ZSCAN32: variants seen among roughly 807,000 people sequenced by gnomAD.
ZSCAN32 encodes the protein zinc finger and SCAN domain-containing protein 32.
ZSCAN32 carries 52 observed loss-of-function variants against 47.4 expected under a neutral mutation model. The ratio of observed to expected loss-of-function variants is 1.10; its 90% CI spans 0.88 to 1.38. ZSCAN32 has a LOEUF of 1.38. Ranked by LOEUF, ZSCAN32 falls within the 40% of genes most tolerant of loss-of-function variation. The pLI is 0.00. For missense variants in ZSCAN32, 959 were observed against 846.0 expected (o/e 1.13, Z -1.66); for synonymous variants, 346 against 305.7 (o/e 1.13, Z -1.38).
intron 6 of ZSCAN32, chr16:3,384,021 A>T (rs1206811885): frequency 7.0e-6 from 3 of 430,834 alleles, no homozygotes; most frequent in Non-Finnish European, 1.2e-5. Context: ...TGTACCCTCA[A>T]TTCTTGAATG....
intron 5 of ZSCAN32, among the ~76,000 whole-genome samples, chr16:3,387,731 C>T (rs1458309520): frequency 6.6e-6 from 1 of 152,252 alleles, no homozygotes; most frequent in Non-Finnish European, 1.5e-5. Context: ...TTCAACCCAA[C>T]AGCCAGAGGG....
In ZSCAN32 at chr16:3,383,510, T is replaced by A; in HGVS notation, c.1436A>T (p.Gln479Leu). ...AAAACTCTGGTGACTCATCTTCTCC[T>A]GGGATGGGGTTTTCTCCTCACTCTC... The part of the protein sequence containing the change: ...PGESEEKTPS[Q>L]EKMSHQSFCA... Residue 479 changes from glutamine (Q) to leucine (L), a missense_variant, in exon 7 of 7, where the codon CAG (glutamine) becomes CTG (leucine). Physicochemically the swap from Gln to Leu is moderately radical, Grantham distance 113. Transcript: ENST00000396852. 6.2e-7 allele frequency: 1 copy of A among 1,614,132 alleles called. No homozygotes were observed. Among genetic ancestry groups the A allele is most frequent in the Middle Eastern group, 1.6e-4 (1 of 6,062 alleles).
intron 3 of ZSCAN32, among the ~76,000 whole-genome samples, chr16:3,393,196 A>T (rs1483627056): frequency 4.2e-5 from 1 of 23,532 alleles, no homozygotes; most frequent in Non-Finnish European, 7.0e-5. Context: ...ATATTTATAT[A>T]TATATTTATA....
In ZSCAN32 at chr16:3,383,585, C is replaced by A. The variant is rs573126996; in HGVS notation, c.1361G>T (p.Gly454Val). The A allele has an allele frequency of 2.5e-6, 4 of 1,613,880 alleles. No individual in the cohort carries two copies. Among genetic ancestry groups the A allele is most frequent in the African/African-American group, 1.3e-5 (1 of 74,886 alleles). ...GVYWHSELQK[G>V]LESEPTSRRQ... ...TCTTGATGTTGGCTCACTCTCCAAG[C>A]CTTTTTGTAGCTCAGAGTGCCAATA... is the stretch of plus-strand genomic sequence containing the variant. Residue 454 changes from glycine to valine, a missense_variant, in exon 7 of 7, where the codon GGC (glycine) becomes GTC (valine). By Grantham distance (109) the Gly-to-Val change is moderately radical (BLOSUM62 -3). Coordinates refer to ENST00000396852, the MANE Select transcript of ZSCAN32 (RefSeq NM_001284527.2).
intron 2 of ZSCAN32, among the ~76,000 whole-genome samples, chr16:3,394,115 C>T (rs2033137902): frequency 6.6e-6 from 1 of 151,990 alleles, no homozygotes. Context: ...AAAATACAAA[C>T]ATTAGCTGGG....
In ZSCAN32 at chr16:3,383,613, C is replaced by T. The variant is rs769475949; in HGVS notation, c.1333G>A (p.Val445Ile). 1.9e-5 allele frequency: 30 copies of T among 1,613,564 alleles called. No homozygotes were observed. The highest frequency in any genetic ancestry group is 2.1e-5 in the Non-Finnish European group (25 of 1,180,028). The change falls in exon 7 of 7, where the codon GTT becomes ATT. Residue 445 changes from valine to isoleucine, a missense_variant. Coordinates refer to ENST00000396852, the MANE Select transcript of ZSCAN32 (RefSeq NM_001284527.2). ...NKALQRKSRGVYWHSELQKGL... is the reference protein window; with the variant it reads ...NKALQRKSRGIYWHSELQKGL... Reference sequence around the variant, plus strand: ...TTTTGTAGCTCAGAGTGCCAATAAACTCCTCTGGACTTTCTCTGTAAAGCC... The same window carrying T: ...TTTTGTAGCTCAGAGTGCCAATAAATTCCTCTGGACTTTCTCTGTAAAGCC...
At chr16:3,397,823 T>A in intron 1 of ZSCAN32, 79 bp from the exon 2 acceptor site, 2 of 296,836 alleles carry the variant, frequency 6.7e-6, no homozygotes, top group Non-Finnish European at 1.2e-5. Flanking sequence ...TTCCTATCCC[T>A]TTCCTTTACT....
chr16:3,399,378 T>C (rs891846064), intron 1 of ZSCAN32, among the ~76,000 whole-genome samples: 3 of 151,886 alleles, frequency 2.0e-5, no homozygotes, highest in Admixed American at 6.6e-5. Context: ...TTTCTAGGAA[T>C]TGGTAAATTG....
chr16:3,383,342 T>C lies in ZSCAN32; in HGVS notation c.1604A>G (p.Tyr535Cys). 1 of 1,614,234 alleles carries C rather than the reference T, an allele frequency of 6.2e-7. No individual in the cohort carries two copies. Residue 535 changes from tyrosine (Y) to cysteine (C), a missense_variant, in exon 7 of 7, where the codon TAT becomes TGT. By Grantham distance (194) the Tyr-to-Cys change is radical. Coordinates refer to ENST00000396852, the MANE Select transcript of ZSCAN32 (RefSeq NM_001284527.2). ...ECGKTFSRSS[Y>C]LVRHQRIHTG... ...GTGGATTCTTTGATGCCGAACAAGA[T>C]AAGAACTTCGGCTAAAGGTTTTCCC...
Position 3,383,669 on chromosome 16 carries a change from C to T in ZSCAN32, c.1277G>A (p.Trp426Ter). ...KNEIKKENLK[W>*]DDSEEVEINK... is the part of the protein sequence containing the mutation. ...TATTTCTACTTCCTCTGAATCATCC[C>T]ATTTTAGATTTTCTTTTTTAATCTC... Residue 426 changes from tryptophan (W) to a stop codon, truncating the protein, a stop_gained, in exon 7 of 7, where the codon TGG becomes TAG. Transcript: ENST00000396852. LOFTEE classifies it low-confidence loss of function (END_TRUNC). 6.3e-7 allele frequency: 1 copy of T among 1,593,868 alleles called. No individual in the cohort carries two copies. Among genetic ancestry groups the T allele is most frequent in the Non-Finnish European group, 8.5e-7 (1 of 1,174,882 alleles).
intron 5 of ZSCAN32, among the ~76,000 whole-genome samples, chr16:3,388,769 A>G (rs952421049): frequency 6.6e-6 from 1 of 152,228 alleles, no homozygotes; most frequent in East Asian, 1.9e-4. Context: ...AATTACAGGT[A>G]CCATTACATG....
At chr16:3,396,654 A>T (rs2150906547) in intron 2 of ZSCAN32, among the ~76,000 whole-genome samples, 1 of 152,310 alleles carries the variant, frequency 6.6e-6, no homozygotes, top group Middle Eastern at 3.4e-3. Context: ...TCCCTGCTCC[A>T]AGAAAATATA....
At chr16:3,391,253 G>T (rs2032658356) in intron 3 of ZSCAN32, among the ~76,000 whole-genome samples, 1 of 152,114 alleles carries the variant, frequency 6.6e-6, no homozygotes, top group African/African-American at 2.4e-5. Flanking sequence ...TTTACTTACA[G>T]CCCCCTGCTG....
chr16:3,390,544 A>T (rs1435336695), intron 3 of ZSCAN32, 27 bp from the exon 4 acceptor site: 1 of 1,535,998 alleles, frequency 6.5e-7, no homozygotes, highest in African/African-American at 1.4e-5. Context: ...CCGCTATTAG[A>T]GGGCGGCTTC....
At chr16:3,400,060 G>A (rs1567333411) in intron 1 of ZSCAN32, among the ~76,000 whole-genome samples, 1 of 152,156 alleles carries the variant, frequency 6.6e-6, no homozygotes, top group African/African-American at 2.4e-5. Flanking sequence ...ATATACTCAG[G>A]ACTACTGAGC....
At position 3,382,745 on chromosome 16, in the gene ZSCAN32, G is replaced by C; in HGVS notation, c.*107C>G. 3 of 1,483,900 alleles carry C rather than the reference G, an allele frequency of 2.0e-6. No individual in the cohort carries two copies. Among genetic ancestry groups the C allele is most frequent in the South Asian group, 1.5e-5 (1 of 67,146 alleles). The allele number at this position is 1,483,900 out of a possible 1,614,324, so 91.9% of individuals were successfully genotyped here. A position where few individuals can be genotyped will look rare whatever the true frequency, so the allele number is the denominator to read the frequency against. On this transcript the variant is annotated 3_prime_UTR_variant, in exon 7 of 7. Transcript: ENST00000396852. Reference sequence around the variant, plus strand: ...TAGACATGGGTCTTAAGATCCAGTAGTCAGTAGGTCTGTTGCAAAGTCAGG... The same window carrying C: ...TAGACATGGGTCTTAAGATCCAGTACTCAGTAGGTCTGTTGCAAAGTCAGG...
At position 3,393,753 on chromosome 16, in the gene ZSCAN32, G is replaced by A; in HGVS notation, c.428C>T (p.Thr143Ile). The change falls in exon 3 of 7, where the codon ACC becomes ATC. Residue 143 changes from threonine (T) to isoleucine (I), a missense_variant. Physicochemically the swap from Thr to Ile is moderately conservative, Grantham distance 89. Coordinates refer to ENST00000396852, the MANE Select transcript of ZSCAN32 (RefSeq NM_001284527.2). ...CCATTGGGATCTCAGTGATTCTCTG[G>A]TTGCTCCCAAAGGGGCCATCTCCTT... ...LMKEMAPLGA[T>I]RESLRSQWKQ... 6.5e-7 allele frequency: 1 copy of A among 1,550,282 alleles called. No individual in the cohort carries two copies. Among genetic ancestry groups the A allele is most frequent in the Non-Finnish European group, 8.7e-7 (1 of 1,146,858 alleles).
At chr16:3,384,371 C>T (rs1206879740) in intron 6 of ZSCAN32, 88 bp downstream of exon 6, 2 of 1,535,408 alleles carry the variant, frequency 1.3e-6, no homozygotes, top group Non-Finnish European at 1.8e-6. Context: ...ATGCCAGGAT[C>T]AGTGACAGCT....
intron 1 of ZSCAN32, among the ~76,000 whole-genome samples, chr16:3,398,974 G>A (rs2033632170): frequency 6.6e-6 from 1 of 152,158 alleles, no homozygotes; most frequent in Admixed American, 6.5e-5. Flanking sequence ...TGCAATCCCA[G>A]CACTTTGAGA....
Sources: gnomAD v4.1 joint callset for allele counts (sites outside exome capture counted in the v4.1 genomes callset) on GRCh38, gnomAD v4.1.1 for gene constraint, MANE v1.5 for transcripts, NCBI Gene and HGNC (gene_info 2026-07-23, HGNC 2026-07-21) for gene names.